Variants in FUNDC1 observed in about 807,000 individuals in gnomAD.
FUNDC1 encodes FUN14 domain-containing protein 1.
In FUNDC1, 10 loss-of-function variants were observed where a neutral mutation model predicts 14.5. The observed-to-expected ratio is 0.69, with a 90% CI of 0.43 to 1.17. The LOEUF is 1.17. FUNDC1 is among the 50% of genes most tolerant of loss of function. The probability of loss-of-function intolerance (pLI) is 0.00; values close to 1 mark genes in which losing one functional copy is unlikely to be tolerated. For synonymous variants in FUNDC1, 33 were observed against 39.7 expected, an observed-to-expected ratio of 0.83 and a Z score of 0.64; for missense variants, 115 against 113.8, an observed-to-expected ratio of 1.01 and a Z score of -0.05.
At chrX:44,538,565 GA>G in intron 2 of FUNDC1, 23 bp from the exon 3 acceptor site, 1 of 1,105,001 alleles carries the variant, frequency 9.0e-7, no homozygotes, top group Non-Finnish European at 1.2e-6. Flanking sequence ...AACAAAAGAT[GA>G]AAACAATCAA....
At chrX:44,542,225 T>G in intron 1 of FUNDC1, 124 bp from the exon 2 acceptor site, 1 of 494,563 alleles carries the variant, frequency 2.0e-6, no homozygotes, top group Non-Finnish European at 3.4e-6. Context: ...AATGCCCACA[T>G]AGAAACTACT....
At chrX:44,524,333 G>C in intron 4 of FUNDC1, 58 bp from the exon 5 acceptor site, 1 of 785,947 alleles carries the variant, frequency 1.3e-6, no homozygotes. Context: ...GATGAACCTT[G>C]AAAACATTAT....
rs184852303 is a variant in FUNDC1 at position 44,527,150 on chromosome X, C to T, written c.390+87G>A. On this transcript the variant is annotated intron_variant, in intron 4 of 4. Transcript: ENST00000378045. ...ACCATTTTTAAAAAAGACAGTAATC[C>T]CCCCCGGTCACATTTTCTGCTAAGG... The T allele has an allele frequency of 1.2e-4, 82 of 666,298 alleles. No homozygotes were observed. In the African/African-American group the frequency reaches 1.6e-3, roughly 13 times the overall value. 54.9% of individuals were successfully genotyped at this position (666,298 alleles called of 1,213,427 possible).
intron 3 of FUNDC1, among the ~76,000 whole-genome samples, chrX:44,534,480 C>A (rs2038939639): frequency 9.2e-6 from 1 of 109,235 alleles, no homozygotes; most frequent in South Asian, 3.8e-4. Context: ...AGAAAATTTC[C>A]CCAAACTGAA....
chrX:44,542,591 T>C (rs758250942), intron 1 of FUNDC1, among the ~76,000 whole-genome samples: 1 of 107,334 alleles, frequency 9.3e-6, no homozygotes, highest in Non-Finnish European at 1.9e-5. Context: ...AGGAGGCAGG[T>C]AGGGCTGTGC....
chrX:44,526,560 G>A (rs978972252), intron 4 of FUNDC1, among the ~76,000 whole-genome samples: 2 of 110,688 alleles, frequency 1.8e-5, no homozygotes, highest in African/African-American at 6.6e-5. Context: ...AAGTATTTAG[G>A]GATGAAAAGT....
Position 44,533,647 on chromosome X carries a change from AAAC to A in FUNDC1, c.261+4817_261+4819del, listed in dbSNP as rs1569188256. Among the ~76,000 whole-genome samples, 863 of 99,017 alleles carry A rather than the reference AAAC, an allele frequency of 8.7e-3. 9 individuals carry two copies. Among genetic ancestry groups the A allele is most frequent in the African/African-American group, 0.018 (435 of 23,726 alleles). The allele number at this position is 99,017 out of a possible 115,157, so 86.0% of individuals were successfully genotyped here. A position where few individuals can be genotyped will look rare whatever the true frequency, so the allele number is the denominator to read the frequency against. ...CGTCTCAAAAAAAAAAAAAAAAAAA[AAAC>A]AACAAAACAACAACAACAAAAAAAT... On this transcript the variant is annotated intron_variant, in intron 3 of 4. Transcript: ENST00000378045.
At chrX:44,528,172 AT>A (rs757172232) in intron 3 of FUNDC1, among the ~76,000 whole-genome samples, 6 of 111,985 alleles carry the variant, frequency 5.4e-5, no homozygotes, top group Non-Finnish European at 9.4e-5. Flanking sequence ...TTTCTTTGTA[AT>A]TTTTTAGTGC....
chrX:44,541,279 T>C (rs1372180216), intron 2 of FUNDC1, among the ~76,000 whole-genome samples: 2 of 112,252 alleles, frequency 1.8e-5, no homozygotes, highest in Admixed American at 9.5e-5. Flanking sequence ...AAGAACAGAA[T>C]TAGATCCACA....
At chrX:44,532,520 A>AAT (rs201392204) in intron 3 of FUNDC1, among the ~76,000 whole-genome samples, 11,618 of 106,349 alleles carry the variant, frequency 0.11, 1,026 homozygotes, top group African/African-American at 0.29. Flanking sequence ...AAGAGGCTTA[A>AAT]ATATATATAT....
intron 3 of FUNDC1, among the ~76,000 whole-genome samples, chrX:44,528,728 G>A (rs765400683): frequency 8.9e-6 from 1 of 112,314 alleles, no homozygotes; most frequent in East Asian, 2.8e-4. Context: ...ACGGAGTCTC[G>A]CTCTGTCGCC....
chrX:44,541,908 C>T, intron 2 of FUNDC1, 37 bp downstream of exon 2: 6 of 1,174,515 alleles, frequency 5.1e-6, no homozygotes, highest in Non-Finnish European at 5.7e-6. Flanking sequence ...GTGTCAGGCC[C>T]CCAAATGAAA....
chrX:44,529,923 C>G (rs112433135), intron 3 of FUNDC1, among the ~76,000 whole-genome samples: 34 of 112,610 alleles, frequency 3.0e-4, no homozygotes, highest in African/African-American at 1.0e-3. Flanking sequence ...AAGCCATCCT[C>G]CTGCCTTGGT....
intron 2 of FUNDC1, among the ~76,000 whole-genome samples, chrX:44,538,983 A>C (rs773870991): frequency 1.3e-4 from 14 of 111,181 alleles, no homozygotes; most frequent in Admixed American, 5.8e-4. Flanking sequence ...ACCTTTGCTC[A>C]AGCTATTAAT....
chrX:44,527,376 T>C lies in FUNDC1; in HGVS notation c.262-11A>G. 3 of 1,158,053 alleles carry C rather than the reference T, an allele frequency of 2.6e-6. No individual in the cohort carries two copies. Among genetic ancestry groups the C allele is most frequent in the Non-Finnish European group, 2.3e-6 (2 of 861,955 alleles). On this transcript the variant is annotated splice_polypyrimidine_tract_variant and intron_variant, in intron 3 of 4. Transcript: ENST00000378045. ...ACTATGACTAGCAATCTGCAAAAAA[T>C]ATAATAAAAATTATCAATACTATAC...
At chrX:44,540,536 C>T (rs145864237) in intron 2 of FUNDC1, among the ~76,000 whole-genome samples, 207 of 110,891 alleles carry the variant, frequency 1.9e-3, no homozygotes, top group Non-Finnish European at 3.2e-3. Context: ...CTGTGTTCCA[C>T]AAGCATGTGT....
At chrX:44,542,322 C>T in intron 1 of FUNDC1, 1 of 398,840 alleles carries the variant, frequency 2.5e-6, no homozygotes. Flanking sequence ...CCCAAAGGCC[C>T]GGGGACCAGC....
rs145216640 is a variant in FUNDC1 at position 44,531,180 on chromosome X, C to A, written c.262-3815G>T. Among the ~76,000 whole-genome samples the A allele has an allele frequency of 1.1e-3, 114 of 107,284 alleles. No individual in the cohort carries two copies. The East Asian group carries it at 0.031, about 29-fold the overall frequency. The allele number at this position is 107,284 out of a possible 115,157, so 93.2% of individuals were successfully genotyped here. On this transcript the variant is annotated intron_variant, in intron 3 of 4. Coordinates refer to ENST00000378045, the MANE Select transcript of FUNDC1 (RefSeq NM_173794.4). ...TCGCTTGAGCCTCAGGAGTTCAAGG[C>A]TGCAGTGACCCATGGTCACGCCACT...
rs1437886835 is a variant in FUNDC1 at position 44,527,378 on chromosome X, T to G, written c.262-13A>C. ...TATGACTAGCAATCTGCAAAAAATATAATAAAAATTATCAATACTATACCA... is the reference window on the plus strand; with the variant it reads ...TATGACTAGCAATCTGCAAAAAATAGAATAAAAATTATCAATACTATACCA... On this transcript the variant is annotated splice_polypyrimidine_tract_variant and intron_variant, in intron 3 of 4. Transcript: ENST00000378045. 1.7e-6 allele frequency: 2 copies of G among 1,148,359 alleles called. No homozygotes were observed. Among genetic ancestry groups the G allele is most frequent in the East Asian group, 6.0e-5 (2 of 33,203 alleles). The allele number at this position is 1,148,359 out of a possible 1,213,427, so 94.6% of individuals were successfully genotyped here. A position where few individuals can be genotyped will look rare whatever the true frequency, so the allele number is the denominator to read the frequency against.
Sources: gnomAD v4.1 joint callset for allele counts (sites outside exome capture counted in the v4.1 genomes callset) on GRCh38, gnomAD v4.1.1 for gene constraint, MANE v1.5 for transcripts, NCBI Gene and HGNC (gene_info 2026-07-23, HGNC 2026-07-21) for gene names.